Variants in B4GALNT1 observed in about 807,000 individuals in gnomAD.
B4GALNT1 encodes beta-1,4 N-acetylgalactosaminyltransferase 1.
B4GALNT1 carries 43 observed loss-of-function variants against 55.2 expected under a neutral mutation model. That is an observed-to-expected ratio of 0.78 (90% CI 0.61 to 1.00). The LOEUF (loss-of-function observed/expected upper bound fraction) is 1.00. Among genes scored for constraint, B4GALNT1 ranks in the 50% least tolerant of loss-of-function variants. The probability of loss-of-function intolerance (pLI) is 0.00; values close to 1 mark genes in which losing one functional copy is unlikely to be tolerated. For synonymous variants in B4GALNT1, 305 were observed against 311.6 expected, an observed-to-expected ratio of 0.98 and a Z score of 0.22; for missense variants, 664 against 729.7, an observed-to-expected ratio of 0.91 and a Z score of 1.04.
At position 57,623,555 on chromosome 12, in the gene B4GALNT1, A is replaced by G; in HGVS notation, c.*3189T>C. The G allele has an allele frequency of 2.0e-6, 1 of 512,464 alleles. No homozygotes were observed. Among genetic ancestry groups the G allele is most frequent in the Non-Finnish European group, 3.5e-6 (1 of 288,356 alleles). 31.7% of individuals were successfully genotyped at this position (512,464 alleles called of 1,614,324 possible). On this transcript the variant is annotated 3_prime_UTR_variant, in exon 11 of 11. Transcript: ENST00000341156. ...ACACATATACCCTGCTTATAGGGTAACCCAACAGTGGCTTTTAAGGTGGAG... is the reference window on the plus strand; with the variant it reads ...ACACATATACCCTGCTTATAGGGTAGCCCAACAGTGGCTTTTAAGGTGGAG...
intron 1 of B4GALNT1, chr12:57,632,350 G>C: frequency 1.5e-6 from 1 of 687,222 alleles, no homozygotes; most frequent in South Asian, 1.5e-5. Context: ...CTTTCTTCTC[G>C]CCCTCTCCTG....
chr12:57,632,199 T>C (rs1320982866), intron 1 of B4GALNT1, 66 bp from the exon 2 acceptor site: 17 of 1,420,570 alleles, frequency 1.2e-5, no homozygotes, highest in Non-Finnish European at 1.6e-5. Flanking sequence ...ATGGGGCCCT[T>C]GGCCCCCGCG....
Position 57,623,783 on chromosome 12 carries a change from G to T in B4GALNT1, c.*2961C>A. On this transcript the variant is annotated 3_prime_UTR_variant, in exon 11 of 11. Coordinates refer to ENST00000341156, the MANE Select transcript of B4GALNT1 (RefSeq NM_001478.5). ...AGTGGGCAGGAAGACCAGCTCTCAT[G>T]TGGGGGTGGGAGGCTCTCTTCCTTT... 6.6e-7 allele frequency: 1 copy of T among 1,513,438 alleles called. No individual in the cohort carries two copies. The allele number at this position is 1,513,438 out of a possible 1,614,324, so 93.8% of individuals were successfully genotyped here.
chr12:57,627,752 C>T lies in B4GALNT1; in HGVS notation c.1250G>A (p.Arg417His), dbSNP rs765320304. ...GCCGACGAGCTCGTGGTGGAAGCCG[C>T]GCCTTTGCCGGAGGCAGTTCCCGAG... ...PGLGNCLRQR[R>H]GFHHELVGFP... Residue 417 changes from arginine to histidine, a missense_variant, in exon 10 of 11, where the codon CGC becomes CAC. Transcript: ENST00000341156. The T allele has an allele frequency of 6.2e-7, 1 of 1,609,244 alleles. No individual in the cohort carries two copies. The highest frequency in any genetic ancestry group is 8.5e-7 in the Non-Finnish European group (1 of 1,177,698).
chr12:57,627,003 G>A, intron 10 of B4GALNT1, 42 bp from the exon 11 acceptor site: 1 of 1,538,126 alleles, frequency 6.5e-7, no homozygotes, highest in Non-Finnish European at 8.9e-7. Context: ...TCCTGAGGGT[G>A]CAGAAGGCCG....
intron 1 of B4GALNT1, 186 bp from the exon 2 acceptor site, chr12:57,632,319 GC>G (rs1224759464): frequency 4.2e-6 from 3 of 708,298 alleles, no homozygotes; most frequent in African/African-American, 1.7e-5. Flanking sequence ...CACTTCCCAG[GC>G]CCCAGGGTCT....
rs948173044 is a variant in B4GALNT1 at position 57,627,903 on chromosome 12, G to C, written c.1144-45C>G. On this transcript the variant is annotated intron_variant, in intron 9 of 10. Coordinates refer to ENST00000341156, the MANE Select transcript of B4GALNT1 (RefSeq NM_001478.5). ...GCCTCCAGGCGGGCCTGGGATAGGG[G>C]ACCCGAAGGGGTCAAGGTCTGCGCT... The C allele has an allele frequency of 3.3e-6, 5 of 1,520,478 alleles. No individual in the cohort carries two copies. In the South Asian group the frequency reaches 6.3e-5, roughly 19 times the overall value. 94.2% of individuals were successfully genotyped at this position (1,520,478 alleles called of 1,614,324 possible).
intron 2 of B4GALNT1, 80 bp downstream of exon 2, chr12:57,631,835 G>T: frequency 7.9e-7 from 1 of 1,273,586 alleles, no homozygotes; most frequent in South Asian, 2.2e-5. Context: ...GCAGGCATCT[G>T]AGCCCAGCAG....
chr12:57,624,788 C>T lies in B4GALNT1; in HGVS notation c.*1956G>A, dbSNP rs1884691250. On this transcript the variant is annotated 3_prime_UTR_variant, in exon 11 of 11. Coordinates refer to ENST00000341156, the MANE Select transcript of B4GALNT1 (RefSeq NM_001478.5). Reference sequence around the variant, plus strand: ...GCTCTACAGACCACTCAGAGGAAGCCCCAGGGTGGGTGGGCTGCAGCCAAA... The same window carrying T: ...GCTCTACAGACCACTCAGAGGAAGCTCCAGGGTGGGTGGGCTGCAGCCAAA... 1.5e-6 allele frequency: 2 copies of T among 1,367,622 alleles called. No homozygotes were observed. The highest frequency in any genetic ancestry group is 2.1e-6 in the Non-Finnish European group (2 of 955,610). The allele number at this position is 1,367,622 out of a possible 1,614,324, so 84.7% of individuals were successfully genotyped here. A position where few individuals can be genotyped will look rare whatever the true frequency, so the allele number is the denominator to read the frequency against.
At position 57,630,143 on chromosome 12, in the gene B4GALNT1, G is replaced by A. The variant is rs749582411; in HGVS notation, c.712+9C>T. ...CCAGCCTGCCCGTCTCTCCACCCAG[G>A]CCTTGCACCTGTGTCTGCTGTGTTG... On this transcript the variant is annotated intron_variant, in intron 6 of 10. Coordinates refer to ENST00000341156, the MANE Select transcript of B4GALNT1 (RefSeq NM_001478.5). 1 of 1,614,186 alleles carries A rather than the reference G, an allele frequency of 6.2e-7. No homozygotes were observed. Among genetic ancestry groups the A allele is most frequent in the Admixed American group, 1.7e-5 (1 of 60,022 alleles).
intron 4 of B4GALNT1, 109 bp from the exon 5 acceptor site, chr12:57,630,627 T>G: frequency 7.8e-7 from 1 of 1,280,554 alleles, no homozygotes; most frequent in Non-Finnish European, 1.1e-6. Flanking sequence ...CACCTATTCT[T>G]CTTATTGAGG....
chr12:57,631,453 G>A (rs777015009), intron 2 of B4GALNT1, 89 bp from the exon 3 acceptor site: 68 of 1,448,762 alleles, frequency 4.7e-5, no homozygotes, highest in Non-Finnish European at 6.2e-5. Flanking sequence ...CCACACCTTG[G>A]CCCTGCAATT....
rs191557438 is a variant in B4GALNT1 at position 57,630,406 on chromosome 12, C to T, written c.531+72G>A. The T allele has an allele frequency of 0.01, 16,572 of 1,597,630 alleles. 108 individuals carry two copies. The highest frequency in any genetic ancestry group is 0.013 in the Non-Finnish European group (14,893 of 1,169,588). ...GCCTCCCTGATTCGCCCATCCTTCC[C>T]TTAGTAGCCCTGCCTCCCTCCCAGC... On this transcript the variant is annotated intron_variant, in intron 5 of 10. Coordinates refer to ENST00000341156, the MANE Select transcript of B4GALNT1 (RefSeq NM_001478.5).
Position 57,625,287 on chromosome 12 carries a change from C to T in B4GALNT1, c.*1457G>A. On this transcript the variant is annotated 3_prime_UTR_variant, in exon 11 of 11. Coordinates refer to ENST00000341156, the MANE Select transcript of B4GALNT1 (RefSeq NM_001478.5). The stretch of plus-strand genomic sequence containing the variant: ...CTAGACTTCAGTGGTGTCACCTTTG[C>T]AGATGCTGCTGGGGCCAGAGAAGTG... 6.2e-7 allele frequency: 1 copy of T among 1,614,090 alleles called. No individual in the cohort carries two copies. Among genetic ancestry groups the T allele is most frequent in the Non-Finnish European group, 8.5e-7 (1 of 1,179,998 alleles).
rs745592334 is a variant in B4GALNT1 at position 57,625,329 on chromosome 12, G to A, written c.*1415C>T. On this transcript the variant is annotated 3_prime_UTR_variant, in exon 11 of 11. Coordinates refer to ENST00000341156, the MANE Select transcript of B4GALNT1 (RefSeq NM_001478.5). ...AGAGAAGTGGTGCAGGTGAGGGAGAGGGTAGGTTGAGGAGAAACCCCTTAG... is the reference window on the plus strand; with the variant it reads ...AGAGAAGTGGTGCAGGTGAGGGAGAAGGTAGGTTGAGGAGAAACCCCTTAG... 3.0e-5 allele frequency: 49 copies of A among 1,613,916 alleles called. No individual in the cohort carries two copies. Among genetic ancestry groups the A allele is most frequent in the Non-Finnish European group, 3.8e-5 (45 of 1,179,996 alleles).
intron 6 of B4GALNT1, 100 bp downstream of exon 6, chr12:57,630,052 G>A: frequency 4.4e-6 from 7 of 1,598,170 alleles, no homozygotes; most frequent in African/African-American, 1.3e-5. Flanking sequence ...TCTGGCCATA[G>A]CCCAGATGCC....
rs1416145025 is a variant in B4GALNT1 at position 57,625,965 on chromosome 12, A to G, written c.*779T>C. On this transcript the variant is annotated 3_prime_UTR_variant, in exon 11 of 11. Coordinates refer to ENST00000341156, the MANE Select transcript of B4GALNT1 (RefSeq NM_001478.5). ...TTTCATTAAGGAAGAGGGGTGCCTA[A>G]TCTATTCCTGACATGTCTCCTCTCT... 2.1e-6 allele frequency: 1 copy of G among 466,466 alleles called. No individual in the cohort carries two copies. Among genetic ancestry groups the G allele is most frequent in the African/African-American group, 2.0e-5 (1 of 50,872 alleles). The allele number at this position is 466,466 out of a possible 1,614,324, so 28.9% of individuals were successfully genotyped here. A position where few individuals can be genotyped will look rare whatever the true frequency, so the allele number is the denominator to read the frequency against.
chr12:57,628,896 G>T lies in B4GALNT1; in HGVS notation c.819C>A (p.Tyr273Ter), dbSNP rs1885021715. The T allele has an allele frequency of 6.2e-7, 1 of 1,614,102 alleles. No individual in the cohort carries two copies. Among genetic ancestry groups the T allele is most frequent in the Admixed American group, 1.7e-5 (1 of 60,004 alleles). Residue 273 changes from tyrosine to a stop codon, truncating the protein, a stop_gained, in exon 8 of 11, where the codon TAC (tyrosine) becomes TAA (stop). Coordinates refer to ENST00000341156, the MANE Select transcript of B4GALNT1 (RefSeq NM_001478.5). LOFTEE classifies it high-confidence loss of function. ...PPGSLPQGAQ[Y>*]NISALVTIAT... ...CAATCGTGACTAGAGCGCTGATGTTGTACTGGGCTGAGATTGGGGGCACAG... is the reference window on the plus strand; with the variant it reads ...CAATCGTGACTAGAGCGCTGATGTTTTACTGGGCTGAGATTGGGGGCACAG...
At chr12:57,631,891 T>TGCGCC (rs1885236203) in intron 2 of B4GALNT1, 24 bp downstream of exon 2, 2 of 1,373,796 alleles carry the variant, frequency 1.5e-6, no homozygotes, top group Admixed American at 7.0e-5. Context: ...AGCGCTGCGC[T>TGCGCC]GCGCCGCCGC....
Sources: allele counts gnomAD v4.1 joint callset, GRCh38; gene constraint gnomAD v4.1.1; transcripts MANE v1.5; gene names NCBI Gene and HGNC (gene_info 2026-07-23, HGNC 2026-07-21).